ECM2: variants seen among roughly 807,000 people sequenced by gnomAD.
ECM2 encodes the protein extracellular matrix protein 2, female organ and adipocyte specific.
ECM2 carries 57 observed loss-of-function variants against 67.5 expected under a neutral mutation model. The observed-to-expected ratio is 0.84, with a 90% CI of 0.68 to 1.05. The LOEUF is 1.05. Ranked by LOEUF, ECM2 falls within the 50% of genes least tolerant of loss-of-function variation. The pLI is 0.00. For missense variants in ECM2, 741 were observed against 822.8 expected (o/e 0.90, Z 1.22); for synonymous variants, 258 against 294.5 (o/e 0.88, Z 1.27).
chr9:92,527,041 C>T (rs1848457845), intron 1 of ECM2, among the ~76,000 whole-genome samples: 1 of 152,172 alleles, frequency 6.6e-6, no homozygotes, highest in African/African-American at 2.4e-5. Context: ...CAGGGTCTGG[C>T]TCTGCCACCC....
chr9:92,518,239 C>G (rs1002234911), intron 2 of ECM2, among the ~76,000 whole-genome samples: 1 of 152,202 alleles, frequency 6.6e-6, no homozygotes, highest in African/African-American at 2.4e-5. Flanking sequence ...CACAGGGGCT[C>G]AGCTCATCAT....
At chr9:92,531,664 C>G (rs1186948225) in intron 1 of ECM2, among the ~76,000 whole-genome samples, 1 of 152,118 alleles carries the variant, frequency 6.6e-6, no homozygotes, top group Non-Finnish European at 1.5e-5. Flanking sequence ...CCAGGCATTA[C>G]CAAATGTAAC....
chr9:92,551,997 T>TG, the ECM2 span, among the ~76,000 whole-genome samples: 222 of 141,076 alleles, frequency 1.6e-3, no homozygotes, highest in Non-Finnish European at 2.3e-3. Context: ...ATATGTGATA[T>TG]ATATGTGTAT....
intron 1 of ECM2, among the ~76,000 whole-genome samples, chr9:92,524,133 C>T (rs556141493): frequency 1.3e-5 from 2 of 152,194 alleles, no homozygotes; most frequent in Non-Finnish European, 2.9e-5. Flanking sequence ...ATGTAATCCA[C>T]AACCCATTTT....
At chr9:92,504,071 T>C (rs562711545) in intron 7 of ECM2, among the ~76,000 whole-genome samples, 2 of 152,358 alleles carry the variant, frequency 1.3e-5, no homozygotes, top group Admixed American at 1.3e-4. Context: ...GTGGGGCAGA[T>C]TGCTCTTTTG....
the ECM2 span, among the ~76,000 whole-genome samples, chr9:92,542,955 C>G: frequency 6.6e-6 from 1 of 152,126 alleles, no homozygotes; most frequent in Non-Finnish European, 1.5e-5. Context: ...TTCTCAGCAC[C>G]ATTTATTTAT....
intron 1 of ECM2, among the ~76,000 whole-genome samples, chr9:92,526,814 G>A (rs1848442911): frequency 6.6e-6 from 1 of 152,042 alleles, no homozygotes; most frequent in South Asian, 2.1e-4. Context: ...GACTCTTAGT[G>A]TACAGTGTTT....
the ECM2 span, among the ~76,000 whole-genome samples, chr9:92,551,637 C>T: frequency 2.0e-5 from 3 of 152,012 alleles, no homozygotes; most frequent in Non-Finnish European, 4.4e-5. Flanking sequence ...GCAGTATACA[C>T]TGCACCCTAT....
the ECM2 span, among the ~76,000 whole-genome samples, chr9:92,552,759 A>G: frequency 6.6e-6 from 1 of 152,074 alleles, no homozygotes; most frequent in Non-Finnish European, 1.5e-5. Context: ...TCAGATGTAT[A>G]GATTGTGAGG....
In ECM2 at chr9:92,522,819, T is replaced by G. The variant is rs1848161732; in HGVS notation, c.48A>C (p.Gln16His). The G allele has an allele frequency of 6.2e-7, 1 of 1,611,612 alleles. No homozygotes were observed. The highest frequency in any genetic ancestry group is 8.5e-7 in the Non-Finnish European group (1 of 1,179,538). Residue 16 changes from glutamine (Q) to histidine (H), a missense_variant, in exon 2 of 10, where the codon CAA (glutamine) becomes CAC (histidine). By Grantham distance (24) the Gln-to-His change is conservative (BLOSUM62 0). Coordinates refer to ENST00000344604, the MANE Select transcript of ECM2 (RefSeq NM_001393.4). Reference protein sequence around the residue: ...LFCFFLLIIFQTDFGKNEEIP... With the variant: ...LFCFFLLIIFHTDFGKNEEIP... ...TTTCTTCATTTTTTCCAAAGTCAGT[T>G]TGAAAAATGATAAGCAGAAAAAAAC...
chr9:92,520,317 T>C (rs1454539886), intron 2 of ECM2, among the ~76,000 whole-genome samples: 3 of 151,994 alleles, frequency 2.0e-5, no homozygotes, highest in Non-Finnish European at 4.4e-5. Flanking sequence ...AGGGGTTGAA[T>C]AGATATTTCT....
intron 6 of ECM2, 29 bp from the exon 7 acceptor site, chr9:92,505,719 A>C (rs1238201124): frequency 1.3e-6 from 2 of 1,508,758 alleles, no homozygotes; most frequent in Admixed American, 2.4e-5. Context: ...TTAGAATATT[A>C]GGATAATTGA....
upstream of ECM2, among the ~76,000 whole-genome samples, chr9:92,538,491 A>G (rs1849241911): frequency 6.6e-6 from 1 of 152,222 alleles, no homozygotes; most frequent in South Asian, 2.1e-4. Flanking sequence ...ACTTAAAAAG[A>G]ATACAAACAA....
chr9:92,522,587 T>G lies in ECM2; in HGVS notation c.280A>C (p.Asn94His). The G allele has an allele frequency of 6.2e-7, 1 of 1,612,154 alleles. No individual in the cohort carries two copies. The change falls in exon 2 of 10, where the codon AAT becomes CAT. Residue 94 changes from asparagine to histidine, a missense_variant. Physicochemically the swap from Asn to His is moderately conservative, Grantham distance 68. Transcript: ENST00000344604. ...SSFPGVESSYNVLPGKKGHCL... is the reference protein window; with the variant it reads ...SSFPGVESSYHVLPGKKGHCL... ...AGTGTTCTCTTACCTGGTAACACAT[T>G]ATAACTTGATTCTACTCCAGGAAAA...
intron 3 of ECM2, 55 bp from the exon 4 acceptor site, chr9:92,515,258 G>A: frequency 7.1e-7 from 1 of 1,403,384 alleles, no homozygotes; most frequent in Non-Finnish European, 9.3e-7. Context: ...ATTAATAAAA[G>A]AAAAAACCAT....
intron 1 of ECM2, among the ~76,000 whole-genome samples, chr9:92,527,003 A>ATTATTTAT (rs554133945): frequency 1.3e-5 from 2 of 149,338 alleles, no homozygotes; most frequent in Admixed American, 6.7e-5. Flanking sequence ...AGATATGTTT[A>ATTATTTAT]TTATTTATTT....
the ECM2 span, among the ~76,000 whole-genome samples, chr9:92,552,345 T>G: frequency 6.6e-6 from 1 of 152,140 alleles, no homozygotes; most frequent in Non-Finnish European, 1.5e-5. Context: ...TTTATTTTCC[T>G]CTGGGTAGAT....
At chr9:92,554,737 A>G in the ECM2 span, among the ~76,000 whole-genome samples, 1 of 152,086 alleles carries the variant, frequency 6.6e-6, no homozygotes, top group Non-Finnish European at 1.5e-5. Flanking sequence ...GCCCGGCTTC[A>G]AGCAAGTTTC....
chr9:92,541,134 C>T (rs170727), upstream of ECM2, among the ~76,000 whole-genome samples: 2 of 151,894 alleles, frequency 1.3e-5, no homozygotes, highest in Non-Finnish European at 2.9e-5. Flanking sequence ...TGGCGGGTGC[C>T]TATAGTCCCA....
Sources: allele counts gnomAD v4.1 joint callset (sites outside exome capture counted in the v4.1 genomes callset), GRCh38; gene constraint gnomAD v4.1.1; transcripts MANE v1.5; gene names NCBI Gene and HGNC (gene_info 2026-07-23, HGNC 2026-07-21).